The following ROBO2 variants were observed in gnomAD, a reference collection of about 807,000 sequenced individuals.
ROBO2 encodes roundabout homolog 2.
A neutral mutation model predicts 160.8 loss-of-function variants in ROBO2; 53 were observed. The ratio of observed to expected loss-of-function variants is 0.33; its 90% confidence interval spans 0.26 to 0.41. ROBO2 has a LOEUF of 0.41. Among genes scored for constraint, ROBO2 ranks in the 10% least tolerant of loss-of-function variants. The pLI is 1.00. For missense variants in ROBO2, 1,577 were observed against 1,722.4 expected (o/e 0.92, Z 1.49); for synonymous variants, 664 against 611.7 (o/e 1.09, Z -1.26).
At chr3:76,488,744 G>A (rs371279779) in intron 2 of ROBO2, among the ~76,000 whole-genome samples, 2 of 151,984 alleles carry the variant, frequency 1.3e-5, no homozygotes, top group African/African-American at 4.8e-5. Flanking sequence ...AATTCAGGGG[G>A]TCTAGGATAA....
chr3:76,156,377 T>C (rs2072410396), intron 2 of ROBO2, among the ~76,000 whole-genome samples: 1 of 152,190 alleles, frequency 6.6e-6, no homozygotes, highest in Non-Finnish European at 1.5e-5. Context: ...AGAAGCCATA[T>C]AGTACAAACT....
chr3:77,436,803 TC>T (rs917343986), intron 2 of ROBO2, among the ~76,000 whole-genome samples: 6 of 151,892 alleles, frequency 4.0e-5, no homozygotes, highest in Admixed American at 1.3e-4. Flanking sequence ...CAATTTGAAG[TC>T]TATTCAAATA....
chr3:77,075,292 A>G (rs1404085453), intron 1 of ROBO2, among the ~76,000 whole-genome samples: 1 of 152,170 alleles, frequency 6.6e-6, no homozygotes, highest in Non-Finnish European at 1.5e-5. Context: ...CTGTACAGAC[A>G]TAGGGATACT....
chr3:77,372,691 G>A (rs2071955102), intron 2 of ROBO2, among the ~76,000 whole-genome samples: 1 of 152,032 alleles, frequency 6.6e-6, no homozygotes. Flanking sequence ...TTCTTTCTCG[G>A]TACAGGGAAT....
intron 2 of ROBO2, among the ~76,000 whole-genome samples, chr3:76,489,796 T>C (rs1419353461): frequency 2.0e-5 from 3 of 151,986 alleles, no homozygotes; most frequent in Non-Finnish European, 4.4e-5. Context: ...AAAAAAGATA[T>C]TATAAATATT....
intron 2 of ROBO2, among the ~76,000 whole-genome samples, chr3:77,034,763 G>C (rs2063528361): frequency 1.3e-5 from 2 of 151,878 alleles, no homozygotes; most frequent in Middle Eastern, 3.4e-3. Context: ...TTCTGTTTTG[G>C]ATTTAAAATA....
At chr3:76,451,140 C>T (rs1314400002) in intron 2 of ROBO2, among the ~76,000 whole-genome samples, 2 of 152,096 alleles carry the variant, frequency 1.3e-5, no homozygotes, top group African/African-American at 4.8e-5. Flanking sequence ...GAAGGCGACA[C>T]GTTACTTGCC....
chr3:76,095,710 C>A (rs1304175494), intron 2 of ROBO2, among the ~76,000 whole-genome samples: 3 of 150,956 alleles, frequency 2.0e-5, no homozygotes, highest in Non-Finnish European at 4.4e-5. Context: ...GTGTATGGCA[C>A]ATATATTATG....
At chr3:76,265,890 A>G (rs1312820448) in intron 2 of ROBO2, among the ~76,000 whole-genome samples, 1 of 152,198 alleles carries the variant, frequency 6.6e-6, no homozygotes, top group Non-Finnish European at 1.5e-5. Flanking sequence ...AGTAACAAGG[A>G]AAGAGCCTTA....
chr3:76,722,560 T>A (rs937187996), intron 2 of ROBO2, among the ~76,000 whole-genome samples: 2 of 152,194 alleles, frequency 1.3e-5, no homozygotes, highest in African/African-American at 4.8e-5. Flanking sequence ...TTTTAGAATA[T>A]ACCACTTAAA....
chr3:76,247,580 G>A (rs1323315785), intron 2 of ROBO2, among the ~76,000 whole-genome samples: 5 of 151,690 alleles, frequency 3.3e-5, no homozygotes, highest in Non-Finnish European at 7.4e-5. Context: ...GCAGGATTTT[G>A]TTGTTGTTGT....
At chr3:76,442,918 A>G (rs1052059080) in intron 2 of ROBO2, among the ~76,000 whole-genome samples, 1 of 152,154 alleles carries the variant, frequency 6.6e-6, no homozygotes, top group African/African-American at 2.4e-5. Context: ...TTTCATAGGT[A>G]AATGTGTTAG....
At chr3:76,133,391 A>G (rs543827317) in intron 2 of ROBO2, among the ~76,000 whole-genome samples, 14 of 152,136 alleles carry the variant, frequency 9.2e-5, no homozygotes, top group African/African-American at 3.1e-4. Flanking sequence ...TACTACATGT[A>G]TTAGTCTCTA....
intron 2 of ROBO2, among the ~76,000 whole-genome samples, chr3:76,404,883 T>C (rs970928341): frequency 6.6e-6 from 1 of 151,548 alleles, no homozygotes; most frequent in Admixed American, 6.6e-5. Flanking sequence ...AAAATGAGAA[T>C]GGGTTATAAA....
At chr3:77,533,790 A>G (rs1197766769) in intron 6 of ROBO2, among the ~76,000 whole-genome samples, 1 of 152,188 alleles carries the variant, frequency 6.6e-6, no homozygotes, top group South Asian at 2.1e-4. Context: ...GTATATCTCA[A>G]AATATTTTTT....
intron 1 of ROBO2, among the ~76,000 whole-genome samples, chr3:77,081,762 A>T (rs2068683591): frequency 6.6e-6 from 1 of 152,222 alleles, no homozygotes; most frequent in Admixed American, 6.5e-5. Context: ...AGTGCTATAT[A>T]GCTATAAATG....
intron 2 of ROBO2, among the ~76,000 whole-genome samples, chr3:76,996,906 C>T (rs560469172): frequency 1.3e-5 from 2 of 152,250 alleles, no homozygotes; most frequent in African/African-American, 2.4e-5. Context: ...AACTGATACA[C>T]AATCTAATAT....
At chr3:76,752,750 T>C (rs1020275878) in intron 2 of ROBO2, among the ~76,000 whole-genome samples, 1 of 151,932 alleles carries the variant, frequency 6.6e-6, no homozygotes, top group African/African-American at 2.4e-5. Context: ...TACTAAAGGA[T>C]GCATTAAAGA....
At chr3:76,270,907 A>G (rs1332129393) in intron 2 of ROBO2, among the ~76,000 whole-genome samples, 1 of 152,102 alleles carries the variant, frequency 6.6e-6, no homozygotes, top group Non-Finnish European at 1.5e-5. Flanking sequence ...TCAGTTTCAT[A>G]AAGAGTGAAC....
Sources: gnomAD v4.1 joint callset for allele counts (sites outside exome capture counted in the v4.1 genomes callset) on GRCh38, gnomAD v4.1.1 for gene constraint, MANE v1.5 for transcripts, NCBI Gene and HGNC (gene_info 2026-07-23, HGNC 2026-07-21) for gene names.